Variants in ENPP1 observed in about 807,000 individuals in gnomAD.
ENPP1 encodes ectonucleotide pyrophosphatase/phosphodiesterase 1, also known as ectonucleotide pyrophosphatase/phosphodiesterase family member 1.
A neutral mutation model predicts 122.8 loss-of-function variants in ENPP1; 73 were observed. The ratio of observed to expected loss-of-function variants is 0.59; its 90% CI spans 0.49 to 0.72. The LOEUF is 0.72. ENPP1 is among the 30% of genes least tolerant of loss of function. ENPP1 has a pLI of 0.00. For synonymous variants in ENPP1, 367 were observed against 391.6 expected, an observed-to-expected ratio of 0.94 and a Z score of 0.74; for missense variants, 978 against 1,128.1, an observed-to-expected ratio of 0.87 and a Z score of 1.91.
intron 12 of ENPP1, among the ~76,000 whole-genome samples, chr6:131,869,037 C>G (rs74557146): frequency 6.6e-6 from 1 of 152,124 alleles, no homozygotes; most frequent in African/African-American, 2.4e-5. Context: ...AGTTAATATC[C>G]TAGGTGGTTT....
intron 6 of ENPP1, among the ~76,000 whole-genome samples, chr6:131,855,619 C>G (rs1224217981): frequency 6.6e-6 from 1 of 152,162 alleles, no homozygotes; most frequent in Non-Finnish European, 1.5e-5. Context: ...AGCCACCATG[C>G]CTGGCCTTAT....
intron 16 of ENPP1, among the ~76,000 whole-genome samples, chr6:131,875,347 C>G (rs1027228513): frequency 2.6e-5 from 4 of 152,012 alleles, no homozygotes; most frequent in Non-Finnish European, 4.4e-5. Flanking sequence ...AAAACCAGTG[C>G]TATAATAGAT....
In ENPP1 at chr6:131,808,035, G is replaced by C; in HGVS notation, c.-1G>C. 1.0e-6 allele frequency: 1 copy of C among 970,472 alleles called. No individual in the cohort carries two copies. The highest frequency in any genetic ancestry group is 1.2e-6 in the Non-Finnish European group (1 of 820,208). 60.1% of individuals were successfully genotyped at this position (970,472 alleles called of 1,614,324 possible). On this transcript the variant is annotated 5_prime_UTR_variant, in exon 1 of 25. Coordinates refer to ENST00000647893, the MANE Select transcript of ENPP1 (RefSeq NM_006208.3). ...GCGGGGCCGGAGCGGCCGGGGCCAC[G>C]ATGGAGCGCGACGGCTGCGCGGGGG...
intron 2 of ENPP1, among the ~76,000 whole-genome samples, 195 bp from the exon 3 acceptor site, chr6:131,849,795 C>T (rs1431727730): frequency 1.3e-5 from 2 of 152,166 alleles, no homozygotes; most frequent in Non-Finnish European, 2.9e-5. Flanking sequence ...AAACCAGGCA[C>T]ATAAGGTTAC....
Position 131,890,680 on chromosome 6 carries a change from A to G in ENPP1, c.*169A>G, listed in dbSNP as rs1166517081. 18 of 647,892 alleles carry G rather than the reference A, an allele frequency of 2.8e-5. No homozygotes were observed. Among genetic ancestry groups the G allele is most frequent in the Non-Finnish European group, 4.9e-5 (18 of 363,798 alleles). The allele number at this position is 647,892 out of a possible 1,614,324, so 40.1% of individuals were successfully genotyped here. A position where few individuals can be genotyped will look rare whatever the true frequency, so the allele number is the denominator to read the frequency against. On this transcript the variant is annotated 3_prime_UTR_variant, in exon 25 of 25. Transcript: ENST00000647893. ...ACTTGCGTACTCAGCACAGCAGTGG[A>G]GAGTGTTCCTGTTGAATCTTGCACA... is the stretch of plus-strand genomic sequence containing the variant.
chr6:131,822,473 C>CTATCTAT (rs1162106316), intron 1 of ENPP1, among the ~76,000 whole-genome samples: 1 of 151,770 alleles, frequency 6.6e-6, no homozygotes, highest in Non-Finnish European at 1.5e-5. Context: ...TATAAAAATA[C>CTATCTAT]TATCTATTGC....
intron 9 of ENPP1, 146 bp from the exon 10 acceptor site, chr6:131,864,360 G>T: frequency 1.6e-6 from 1 of 639,866 alleles, no homozygotes; most frequent in Non-Finnish European, 2.8e-6. Flanking sequence ...GGAAAATAAA[G>T]TTTTCAAATA....
In ENPP1 at chr6:131,891,484, C is replaced by T. The variant is rs1308762615; in HGVS notation, c.*973C>T. 6.6e-6 allele frequency: 1 copy of T among 152,206 alleles called. No individual in the cohort carries two copies. Among genetic ancestry groups the T allele is most frequent in the African/African-American group, 2.4e-5 (1 of 41,444 alleles). 9.4% of individuals were successfully genotyped at this position (152,206 alleles called of 1,614,324 possible). On this transcript the variant is annotated 3_prime_UTR_variant, in exon 25 of 25. Coordinates refer to ENST00000647893, the MANE Select transcript of ENPP1 (RefSeq NM_006208.3). ...AGAGAACATGCCACCAATCACCTCA[C>T]ATCTTCTTGGTGGACATGATAAATG...
At chr6:131,808,394 A>G in intron 1 of ENPP1, 119 bp downstream of exon 1, 2 of 1,256,262 alleles carry the variant, frequency 1.6e-6, no homozygotes, top group Non-Finnish European at 2.1e-6. Flanking sequence ...ATGGTCCGGG[A>G]GTGCTTCTTC....
chr6:131,820,682 C>G (rs1318767019), intron 1 of ENPP1: 2 of 152,220 alleles, frequency 1.3e-5, no homozygotes, highest in African/African-American at 4.8e-5. Context: ...GTCCAAACCA[C>G]AGCTCTGCTG....
At chr6:131,828,393 T>C in intron 1 of ENPP1, 1 of 377,674 alleles carries the variant, frequency 2.6e-6, no homozygotes, top group Non-Finnish European at 5.2e-6. Context: ...GTAAACATTT[T>C]AGCTCGGTTA....
chr6:131,834,101 A>G lies in ENPP1; in HGVS notation c.241-13675A>G, dbSNP rs192205229. On this transcript the variant is annotated intron_variant, in intron 1 of 24. Coordinates refer to ENST00000647893, the MANE Select transcript of ENPP1 (RefSeq NM_006208.3). ...GAAAGCTCAATGAAACCATTACTTT[A>G]TACTATGAGATGGATGTTTTATTCT... 4.9e-3 allele frequency among the ~76,000 whole-genome samples: 754 copies of G among 152,366 alleles called. 8 individuals are homozygous for G. Among genetic ancestry groups the G allele is most frequent in the African/African-American group, 0.016 (659 of 41,586 alleles).
rs1394979511 is a variant in ENPP1 at position 131,824,081 on chromosome 6, C to G, written c.240+15806C>G. 2.0e-5 allele frequency among the ~76,000 whole-genome samples: 3 copies of G among 151,722 alleles called. No individual in the cohort carries two copies. The Admixed American group carries it at 2.0e-4, about 10-fold the overall frequency. ...TGCAAGAGGCTGGGGGCTAAATGGT[C>G]AAAGGGAAAGTTTACTTACTGTCTG... is the stretch of plus-strand genomic sequence containing the variant. On this transcript the variant is annotated intron_variant, in intron 1 of 24. Coordinates refer to ENST00000647893, the MANE Select transcript of ENPP1 (RefSeq NM_006208.3).
chr6:131,819,077 G>A (rs952666968), intron 1 of ENPP1, among the ~76,000 whole-genome samples: 2 of 152,146 alleles, frequency 1.3e-5, no homozygotes, highest in African/African-American at 2.4e-5. Flanking sequence ...TGAAGATAGC[G>A]AGGAATGTGG....
chr6:131,846,000 T>C (rs1488633747), intron 1 of ENPP1, among the ~76,000 whole-genome samples: 3 of 152,192 alleles, frequency 2.0e-5, no homozygotes, highest in African/African-American at 7.2e-5. Flanking sequence ...TCTTCCTTTC[T>C]TTTATCCATT....
intron 9 of ENPP1, among the ~76,000 whole-genome samples, chr6:131,862,733 G>A (rs991708941): frequency 2.0e-5 from 3 of 152,162 alleles, no homozygotes; most frequent in South Asian, 2.1e-4. Flanking sequence ...TATCTCAAGC[G>A]CTCATCTGAG....
In ENPP1 at chr6:131,877,161, G is replaced by C. The variant is rs763463732; in HGVS notation, c.1893G>C (p.Ser631=). 6 of 1,613,072 alleles carry C rather than the reference G, an allele frequency of 3.7e-6. No individual in the cohort carries two copies. In the Admixed American group the frequency reaches 1.0e-4, roughly 27 times the overall value. The change falls in exon 18 of 25, where the codon TCG becomes TCC. Residue 631 remains serine, a splice_region_variant and synonymous_variant. Transcript: ENST00000647893. The part of the protein sequence containing the change: ...RDNLGCSCNP[S]ILPIEDFQTQ... ...ACCTTGGCTGCTCATGTAACCCTTC[G>C]GTAAGTATCGTCAAGAAGTTTGGTC...
chr6:131,845,731 C>T (rs1030847059), intron 1 of ENPP1, among the ~76,000 whole-genome samples: 3 of 151,808 alleles, frequency 2.0e-5, no homozygotes, highest in African/African-American at 4.8e-5. Context: ...AGTGCCTGGC[C>T]GTTTGTGATG....
At chr6:131,838,546 A>G (rs1781703705) in intron 1 of ENPP1, among the ~76,000 whole-genome samples, 1 of 151,974 alleles carries the variant, frequency 6.6e-6, no homozygotes, top group Admixed American at 6.6e-5. Context: ...ATATTAAAAG[A>G]AAAGTCTGAA....
Sources: allele counts gnomAD v4.1 joint callset (sites outside exome capture counted in the v4.1 genomes callset), GRCh38; gene constraint gnomAD v4.1.1; transcripts MANE v1.5; gene names NCBI Gene and HGNC (gene_info 2026-07-23, HGNC 2026-07-21).